DCBLD1: variants seen among roughly 807,000 people sequenced by gnomAD.
DCBLD1 encodes discoidin, CUB and LCCL domain containing 1, also known as discoidin, CUB and LCCL domain-containing protein 1.
DCBLD1 carries 57 observed loss-of-function variants against 71.5 expected under a neutral mutation model. The ratio of observed to expected loss-of-function variants is 0.80; its 90% CI spans 0.64 to 0.99. The LOEUF (loss-of-function observed/expected upper bound fraction) is 0.99, where lower values mean the gene tolerates loss of function less well. DCBLD1 is among the 50% of genes least tolerant of loss of function. DCBLD1 has a pLI of 0.00. For missense variants in DCBLD1, 891 were observed against 923.5 expected, an observed-to-expected ratio of 0.96 and a Z score of 0.46; for synonymous variants, 380 against 363.8, an observed-to-expected ratio of 1.04 and a Z score of -0.51.
chr6:117,513,682 G>T (rs1174523340), intron 2 of DCBLD1, among the ~76,000 whole-genome samples: 4 of 152,176 alleles, frequency 2.6e-5, no homozygotes, highest in Non-Finnish European at 5.9e-5. Context: ...TGCTGGTTCT[G>T]AAGCAAACAT....
intron 2 of DCBLD1, among the ~76,000 whole-genome samples, chr6:117,513,584 G>A (rs1778092545): frequency 6.6e-6 from 1 of 152,226 alleles, no homozygotes; most frequent in Non-Finnish European, 1.5e-5. Context: ...AAGTAAGATG[G>A]AACCTGCCTT....
intron 9 of DCBLD1, 160 bp downstream of exon 9, chr6:117,539,539 G>C: frequency 1.2e-6 from 1 of 812,956 alleles, no homozygotes; most frequent in Admixed American, 3.9e-5. Flanking sequence ...GCCAAGGCAG[G>C]AGGATCATTT....
In DCBLD1 at chr6:117,563,518, T is replaced by C. The variant is rs1025726023; in HGVS notation, c.1616-6102T>C. ...GGGTGGATAACCTGAGGTTAGGGGT[T>C]CGAGACCAGCCTGGACAATGTGGTG... On this transcript the variant is annotated intron_variant, in intron 14 of 14. Transcript: ENST00000296955. The C allele has an allele frequency of 1.1e-5, 8 of 750,818 alleles. No individual in the cohort carries two copies. In the African/African-American group the frequency reaches 1.4e-4, roughly 13 times the overall value. The allele number at this position is 750,818 out of a possible 1,614,324, so 46.5% of individuals were successfully genotyped here.
intron 5 of DCBLD1, among the ~76,000 whole-genome samples, chr6:117,526,072 A>G (rs1778538414): frequency 6.6e-6 from 1 of 152,244 alleles, no homozygotes; most frequent in African/African-American, 2.4e-5. Context: ...ATCTATAGCA[A>G]AAACCTATTG....
intron 1 of DCBLD1, among the ~76,000 whole-genome samples, chr6:117,489,959 A>G (rs1392012412): frequency 6.6e-6 from 1 of 152,270 alleles, no homozygotes; most frequent in African/African-American, 2.4e-5. Flanking sequence ...TAATGCTTAC[A>G]ACAGAAGCAG....
rs201985351 is a variant in DCBLD1, at chr6:117,521,577, G to A, written c.512+1G>A. 11 of 1,561,406 alleles carry A rather than the reference G, an allele frequency of 7.0e-6. No homozygotes were observed. In the East Asian group the frequency reaches 7.1e-5, roughly 10 times the overall value. On this transcript the variant is annotated splice_donor_variant, in intron 4 of 14. Coordinates refer to ENST00000338728, the MANE Select transcript of DCBLD1 (RefSeq NM_001366458.2). LOFTEE classifies it high-confidence loss of function. ...GCCATTATTTGAAGACAGAATACAG[G>A]TAAGTATAGGTATCCTAACTGTGTT...
At chr6:117,486,140 T>C (rs1309482905) in intron 1 of DCBLD1, among the ~76,000 whole-genome samples, 2 of 152,176 alleles carry the variant, frequency 1.3e-5, no homozygotes, top group African/African-American at 4.8e-5. Flanking sequence ...GACTTGAAAA[T>C]CATTTTAAAA....
At chr6:117,496,563 A>C (rs1368375539) in intron 1 of DCBLD1, among the ~76,000 whole-genome samples, 1 of 152,248 alleles carries the variant, frequency 6.6e-6, no homozygotes, top group Non-Finnish European at 1.5e-5. Flanking sequence ...GTAGTCATCA[A>C]GAGCTCACTT....
intron 1 of DCBLD1, chr6:117,485,035 C>T (rs1777039652): frequency 1.3e-5 from 2 of 152,180 alleles, no homozygotes; most frequent in African/African-American, 4.8e-5. Context: ...ATCCGTTTAA[C>T]TAAAGGTACA....
intron 4 of DCBLD1, among the ~76,000 whole-genome samples, chr6:117,524,274 A>G (rs1778476435): frequency 6.7e-6 from 1 of 149,652 alleles, no homozygotes; most frequent in Non-Finnish European, 1.5e-5. Flanking sequence ...ATCTGGTCTC[A>G]CTGCAAACTC....
intron 2 of DCBLD1, among the ~76,000 whole-genome samples, chr6:117,511,107 G>C (rs1778005594): frequency 6.6e-6 from 1 of 152,096 alleles, no homozygotes; most frequent in Non-Finnish European, 1.5e-5. Context: ...CTTTAGCTCT[G>C]CACCATCCGA....
At position 117,555,641 on chromosome 6, in the gene DCBLD1, A is replaced by G. The variant is rs111487772; in HGVS notation, c.1615+10044A>G. On this transcript the variant is annotated intron_variant, in intron 14 of 14. Transcript: ENST00000296955. ...TATAGTCTTGACGATCTAGAATTCTACTATGTAACTCTAGGAGTTCTCTCA... is the reference window on the plus strand; with the variant it reads ...TATAGTCTTGACGATCTAGAATTCTGCTATGTAACTCTAGGAGTTCTCTCA... Among the ~76,000 whole-genome samples the G allele has an allele frequency of 2.6e-3, 394 of 152,298 alleles. 3 individuals are homozygous for G. Among genetic ancestry groups the G allele is most frequent in the African/African-American group, 9.1e-3 (379 of 41,564 alleles).
chr6:117,551,097 T>C (rs1779419498), downstream of DCBLD1, among the ~76,000 whole-genome samples: 3 of 152,208 alleles, frequency 2.0e-5, no homozygotes, highest in South Asian at 4.1e-4. Context: ...TCCCAGCCTC[T>C]CCTTGTTCTG....
rs1779359777 is a variant in DCBLD1 at position 117,548,608 on chromosome 6, C to T, written c.*169C>T. ...TAGAGACAACCTGTCATACTGTTTA[C>T]AAAATTGTGCAGCTGGTTTCGTGCT... On this transcript the variant is annotated 3_prime_UTR_variant, in exon 15 of 15. Transcript: ENST00000338728. The T allele has an allele frequency of 1.4e-6, 2 of 1,435,586 alleles. No individual in the cohort carries two copies. Among genetic ancestry groups the T allele is most frequent in the Non-Finnish European group, 1.8e-6 (2 of 1,099,276 alleles). 88.9% of individuals were successfully genotyped at this position (1,435,586 alleles called of 1,614,324 possible).
chr6:117,519,774 G>C, intron 2 of DCBLD1, 42 bp from the exon 3 acceptor site: 1 of 1,589,534 alleles, frequency 6.3e-7, no homozygotes, highest in Non-Finnish European at 8.6e-7. Context: ...ATTTGTGCTG[G>C]TATAAATTTT....
chr6:117,547,771 C>T, intron 14 of DCBLD1, 136 bp from the exon 15 acceptor site: 4 of 1,534,916 alleles, frequency 2.6e-6, no homozygotes, highest in African/African-American at 2.7e-5. Flanking sequence ...CAGGGTTTTC[C>T]GCAGTGCCTG....
intron 1 of DCBLD1, among the ~76,000 whole-genome samples, chr6:117,502,336 A>G (rs1381658958): frequency 2.0e-5 from 3 of 152,138 alleles, no homozygotes; most frequent in African/African-American, 4.8e-5. Context: ...TATTTCCCCA[A>G]TTCAGCCCTC....
At chr6:117,519,080 G>T (rs2114484034) in intron 2 of DCBLD1, among the ~76,000 whole-genome samples, 1 of 152,256 alleles carries the variant, frequency 6.6e-6, no homozygotes, top group South Asian at 2.1e-4. Flanking sequence ...CTTTCGAAAT[G>T]ACAAGTTAAA....
intron 2 of DCBLD1, among the ~76,000 whole-genome samples, chr6:117,512,154 A>T (rs1324328782): frequency 3.3e-5 from 5 of 152,180 alleles, no homozygotes; most frequent in Admixed American, 3.3e-4. Context: ...CAGTTTCAGT[A>T]ATTGCCATCT....
Sources: allele counts gnomAD v4.1 joint callset (sites outside exome capture counted in the v4.1 genomes callset), GRCh38; gene constraint gnomAD v4.1.1; transcripts MANE v1.5; gene names NCBI Gene and HGNC (gene_info 2026-07-23, HGNC 2026-07-21).